The following ZNF804B variants were observed in gnomAD, a reference collection of about 807,000 sequenced individuals.
ZNF804B encodes the protein zinc finger protein 804B.
In ZNF804B, 80 loss-of-function variants were observed where a neutral mutation model predicts 101.4. The observed-to-expected ratio is 0.79, with a 90% CI of 0.66 to 0.95. The LOEUF (loss-of-function observed/expected upper bound fraction) is 0.95, where lower values mean the gene tolerates loss of function less well. Among genes scored for constraint, ZNF804B ranks in the 40% least tolerant of loss-of-function variants. The pLI, the probability that ZNF804B is intolerant of heterozygous loss-of-function variation, is 0.00. For missense variants in ZNF804B, 1,673 were observed against 1,561.9 expected, an observed-to-expected ratio of 1.07 and a Z score of -1.20; for synonymous variants, 622 against 558.8, an observed-to-expected ratio of 1.11 and a Z score of -1.59.
intron 2 of ZNF804B, among the ~76,000 whole-genome samples, chr7:89,309,549 C>T (rs938983641): frequency 6.6e-6 from 1 of 151,988 alleles, no homozygotes. Flanking sequence ...ATCACAATGT[C>T]AGGAGTTGGA....
At chr7:89,224,750 G>GTGTA (rs1341536014) in intron 2 of ZNF804B, among the ~76,000 whole-genome samples, 21 of 95,626 alleles carry the variant, frequency 2.2e-4, no homozygotes, top group Admixed American at 2.1e-3. Flanking sequence ...GTGTGTGTGT[G>GTGTA]TATGAGTGTG....
chr7:89,128,601 A>G (rs1291627020), intron 1 of ZNF804B, among the ~76,000 whole-genome samples: 1 of 151,926 alleles, frequency 6.6e-6, no homozygotes, highest in African/African-American at 2.4e-5. Context: ...TTTTATGTTT[A>G]TCAGCCATTC....
At chr7:88,802,706 A>G (rs1790609725) in intron 1 of ZNF804B, among the ~76,000 whole-genome samples, 1 of 151,098 alleles carries the variant, frequency 6.6e-6, no homozygotes, top group African/African-American at 2.4e-5. Flanking sequence ...TCAGATTTAA[A>G]CCATAATGAA....
At chr7:89,142,880 T>C (rs1457859308) in intron 1 of ZNF804B, among the ~76,000 whole-genome samples, 2 of 152,038 alleles carry the variant, frequency 1.3e-5, no homozygotes. Flanking sequence ...GTTTTTGTGA[T>C]AGTGAACAAA....
At chr7:89,181,870 A>G (rs1788303300) in intron 1 of ZNF804B, among the ~76,000 whole-genome samples, 1 of 152,192 alleles carries the variant, frequency 6.6e-6, no homozygotes, top group Non-Finnish European at 1.5e-5. Flanking sequence ...CTTATTGTGT[A>G]TAATTTATGT....
At chr7:88,918,767 G>A (rs1325379638) in intron 1 of ZNF804B, among the ~76,000 whole-genome samples, 1 of 152,034 alleles carries the variant, frequency 6.6e-6, no homozygotes, top group Non-Finnish European at 1.5e-5. Flanking sequence ...GAGTGGGATT[G>A]GGGGGTGAGG....
rs1789308909 is a variant in ZNF804B at position 89,237,888 on chromosome 7, C to A, written c.249+19593C>A. ...GAGAGATAATAAACACAAAAGTACT[C>A]TAATAAGAATAAAGAGTTTAAAACC... On this transcript the variant is annotated intron_variant, in intron 2 of 3. Transcript: ENST00000333190. Among the ~76,000 whole-genome samples, 7 of 152,084 alleles carry A rather than the reference C, an allele frequency of 4.6e-5. No homozygotes were observed. The South Asian group carries it at 1.4e-3, about 31-fold the overall frequency.
intron 2 of ZNF804B, among the ~76,000 whole-genome samples, chr7:89,226,440 A>T (rs1037943123): frequency 6.6e-6 from 1 of 152,124 alleles, no homozygotes; most frequent in Non-Finnish European, 1.5e-5. Flanking sequence ...TACTAAAAAT[A>T]GATGATGTAA....
intron 1 of ZNF804B, among the ~76,000 whole-genome samples, chr7:88,958,647 CGAA>C (rs1410965577): frequency 6.6e-6 from 1 of 151,364 alleles, no homozygotes; most frequent in Non-Finnish European, 1.5e-5. Flanking sequence ...GACTTTGAAT[CGAA>C]GGAGGTGTCA....
At chr7:89,078,191 G>A (rs2116308695) in intron 1 of ZNF804B, among the ~76,000 whole-genome samples, 1 of 152,162 alleles carries the variant, frequency 6.6e-6, no homozygotes. Flanking sequence ...ATCTCAGTGT[G>A]ATGACTAACT....
chr7:89,095,660 C>T (rs975047236), intron 1 of ZNF804B, among the ~76,000 whole-genome samples: 2 of 152,000 alleles, frequency 1.3e-5, no homozygotes, highest in African/African-American at 2.4e-5. Context: ...ACTAGTTTAG[C>T]GTAAAACTAA....
At chr7:89,107,435 C>G (rs1790151070) in intron 1 of ZNF804B, among the ~76,000 whole-genome samples, 1 of 152,038 alleles carries the variant, frequency 6.6e-6, no homozygotes, top group Non-Finnish European at 1.5e-5. Context: ...TCCAGCTTTC[C>G]TATTTCAGCC....
At chr7:89,218,134 T>A in intron 1 of ZNF804B, 21 bp from the exon 2 acceptor site, 1 of 1,545,158 alleles carries the variant, frequency 6.5e-7, no homozygotes, top group Non-Finnish European at 8.8e-7. Context: ...CTAACCAACA[T>A]TTATGTATTT....
At chr7:89,086,415 C>T (rs1789801921) in intron 1 of ZNF804B, among the ~76,000 whole-genome samples, 1 of 151,958 alleles carries the variant, frequency 6.6e-6, no homozygotes. Flanking sequence ...TCATATCTCA[C>T]TCCTCTATAG....
At position 88,972,912 on chromosome 7, in the gene ZNF804B, C is replaced by T. The variant is rs1329793089; in HGVS notation, c.108+212828C>T. Among the ~76,000 whole-genome samples, 6 of 151,388 alleles carry T rather than the reference C, an allele frequency of 4.0e-5. No individual in the cohort carries two copies. The South Asian group carries it at 8.3e-4, about 21-fold the overall frequency. On this transcript the variant is annotated intron_variant, in intron 1 of 3. Coordinates refer to ENST00000333190, the MANE Select transcript of ZNF804B (RefSeq NM_181646.5). ...GACTTGCAGATTGAATTTCTACAAA[C>T]TTCTTTGTTAACAAGGCCTTAGTAT...
chr7:88,783,587 T>C (rs1790259545), intron 1 of ZNF804B, among the ~76,000 whole-genome samples: 1 of 152,124 alleles, frequency 6.6e-6, no homozygotes. Context: ...GATGGGTAAA[T>C]AGGTTTGTTA....
chr7:88,816,669 A>G (rs1790883748), intron 1 of ZNF804B, among the ~76,000 whole-genome samples: 1 of 145,850 alleles, frequency 6.9e-6, no homozygotes, highest in Non-Finnish European at 1.5e-5. Flanking sequence ...AATGCAAATC[A>G]AAACCACAAT....
intron 1 of ZNF804B, among the ~76,000 whole-genome samples, chr7:89,008,432 A>G (rs76814357): frequency 0.03 from 4,633 of 152,250 alleles, 248 homozygotes; most frequent in African/African-American, 0.11. Context: ...ACATCTGCCC[A>G]TGCTACTAAG....
At chr7:89,214,434 A>G (rs1309771814) in intron 1 of ZNF804B, among the ~76,000 whole-genome samples, 1 of 152,168 alleles carries the variant, frequency 6.6e-6, no homozygotes, top group Non-Finnish European at 1.5e-5. Context: ...CTTTACTGAT[A>G]CTGAGAATAG....
Sources: allele counts gnomAD v4.1 joint callset (sites outside exome capture counted in the v4.1 genomes callset), GRCh38; gene constraint gnomAD v4.1.1; transcripts MANE v1.5; gene names NCBI Gene and HGNC (gene_info 2026-07-23, HGNC 2026-07-21).